Variants in CRPPA observed in about 807,000 individuals in gnomAD.
CRPPA encodes the protein D-ribitol-5-phosphate cytidylyltransferase.
CRPPA carries 43 observed loss-of-function variants against 52.0 expected under a neutral mutation model. The observed-to-expected ratio is 0.83, with a 90% CI of 0.65 to 1.07. CRPPA has a LOEUF of 1.07. Among genes scored for constraint, CRPPA ranks in the 50% least tolerant of loss-of-function variants. CRPPA has a pLI of 0.00. For missense variants in CRPPA, 629 were observed against 551.7 expected (o/e 1.14, Z -1.40); for synonymous variants, 250 against 203.5 (o/e 1.23, Z -1.94).
rs144357355 is a variant in CRPPA at position 16,401,261 on chromosome 7, T to TAG, written c.534+4798_534+4799dup. The stretch of plus-strand genomic sequence containing the variant: ...TGTTACTTCAGCAATCCCAAAGATT[T>TAG]AGAGTCTTCCTCCCAGGAACCTGGA... On this transcript the variant is annotated intron_variant, in intron 2 of 9. Transcript: ENST00000407010. Among the ~76,000 whole-genome samples, 571 of 152,320 alleles carry TAG rather than the reference T, an allele frequency of 3.7e-3. 3 individuals carry two copies. Among genetic ancestry groups the TAG allele is most frequent in the African/African-American group, 0.013 (559 of 41,578 alleles).
At chr7:16,405,068 G>C (rs1001992902) in intron 2 of CRPPA, among the ~76,000 whole-genome samples, 2 of 151,330 alleles carry the variant, frequency 1.3e-5, no homozygotes, top group African/African-American at 2.4e-5. Flanking sequence ...GGTTATTGAA[G>C]TTATAGACTG....
intron 5 of CRPPA, among the ~76,000 whole-genome samples, chr7:16,294,984 G>A (rs566272073): frequency 6.6e-6 from 1 of 152,024 alleles, no homozygotes. Flanking sequence ...GAAATCAAGG[G>A]ACTAGTTTCT....
chr7:16,247,190 C>T (rs905467966), intron 8 of CRPPA, among the ~76,000 whole-genome samples: 1 of 152,230 alleles, frequency 6.6e-6, no homozygotes, highest in African/African-American at 2.4e-5. Context: ...GAATAAACTG[C>T]TAGCTTCAAA....
intron 9 of CRPPA, among the ~76,000 whole-genome samples, chr7:16,164,561 T>C (rs918281711): frequency 6.6e-6 from 1 of 152,186 alleles, no homozygotes. Flanking sequence ...TGGCGAGGAA[T>C]TGTGATCCTT....
chr7:16,403,606 A>G (rs1787883375), intron 2 of CRPPA, among the ~76,000 whole-genome samples: 2 of 152,170 alleles, frequency 1.3e-5, no homozygotes, highest in African/African-American at 4.8e-5. Flanking sequence ...ACAAAAGGCA[A>G]TGAGTTAAAA....
At chr7:16,191,853 T>A (rs1312196223) in intron 9 of CRPPA, among the ~76,000 whole-genome samples, 1 of 152,122 alleles carries the variant, frequency 6.6e-6, no homozygotes, top group Admixed American at 6.6e-5. Flanking sequence ...TCACAGTAAT[T>A]CTCTTACCAT....
chr7:16,310,781 A>G (rs774472595), intron 3 of CRPPA, among the ~76,000 whole-genome samples: 3 of 152,194 alleles, frequency 2.0e-5, no homozygotes, highest in South Asian at 4.1e-4. Context: ...AAAGTATGCC[A>G]AGCCCACTTA....
At chr7:16,376,014 C>T in intron 3 of CRPPA, 78 bp downstream of exon 3, 1 of 1,399,088 alleles carries the variant, frequency 7.1e-7, no homozygotes, top group Non-Finnish European at 9.7e-7. Flanking sequence ...CCCATCAGTT[C>T]TGGAAATTCT....
intron 2 of CRPPA, among the ~76,000 whole-genome samples, chr7:16,399,969 GAC>G (rs1178247825): frequency 6.6e-6 from 1 of 151,966 alleles, no homozygotes; most frequent in Non-Finnish European, 1.5e-5. Flanking sequence ...GCTTACATGT[GAC>G]ACGATTGACA....
intron 2 of CRPPA, among the ~76,000 whole-genome samples, chr7:16,389,712 T>G (rs1036076632): frequency 1.3e-5 from 2 of 151,596 alleles, no homozygotes; most frequent in Non-Finnish European, 2.9e-5. Flanking sequence ...AATCCACTGT[T>G]GGCCATTTCC....
At chr7:16,398,439 G>T (rs953498418) in intron 2 of CRPPA, among the ~76,000 whole-genome samples, 2 of 152,010 alleles carry the variant, frequency 1.3e-5, no homozygotes, top group Non-Finnish European at 2.9e-5. Flanking sequence ...ACGTGACCGA[G>T]GTTTGTGACA....
chr7:16,259,095 T>C, intron 6 of CRPPA, 83 bp from the exon 7 acceptor site: 1 of 905,690 alleles, frequency 1.1e-6, no homozygotes, highest in Non-Finnish European at 1.7e-6. Flanking sequence ...ACATAATTGC[T>C]AGAAGGCCCA....
intron 9 of CRPPA, among the ~76,000 whole-genome samples, chr7:16,202,751 A>G (rs1781887730): frequency 6.6e-6 from 1 of 152,246 alleles, no homozygotes; most frequent in Non-Finnish European, 1.5e-5. Context: ...GCCAAAGCTA[A>G]GCATTATGAT....
chr7:16,134,922 T>C (rs541532319), intron 9 of CRPPA, among the ~76,000 whole-genome samples: 1 of 152,274 alleles, frequency 6.6e-6, no homozygotes, highest in African/African-American at 2.4e-5. Flanking sequence ...TTCTGAAAAA[T>C]ACAGAAACAT....
Position 16,338,812 on chromosome 7 carries a change from ACT to A in CRPPA, c.685-30187_685-30186del, listed in dbSNP as rs1491160192. ...ATGGGTTCATCGTGAATTCTAGCAA[ACT>A]TTTTTTTTTTTTTTTTTTTGAGACA... On this transcript the variant is annotated intron_variant, in intron 3 of 9. Coordinates refer to ENST00000407010, the MANE Select transcript of CRPPA (RefSeq NM_001101426.4). Among the ~76,000 whole-genome samples, 63 of 125,776 alleles carry A rather than the reference ACT, an allele frequency of 5.0e-4. No homozygotes were observed. In the Middle Eastern group the frequency reaches 0.014, roughly 27 times the overall value. The allele number at this position is 125,776 out of a possible 152,430, so 82.5% of individuals were successfully genotyped here.
intron 9 of CRPPA, among the ~76,000 whole-genome samples, chr7:16,206,037 C>G (rs974294863): frequency 6.6e-6 from 1 of 152,198 alleles, no homozygotes; most frequent in East Asian, 1.9e-4. Flanking sequence ...AATGACCTGA[C>G]TCTTCACTGA....
chr7:16,342,790 T>G (rs369750965), intron 3 of CRPPA, among the ~76,000 whole-genome samples: 497 of 33,434 alleles, frequency 0.015, 74 homozygotes, highest in African/African-American at 0.042. Context: ...AAAATATATA[T>G]ATATATATCT....
chr7:16,319,667 A>C (rs1366817482), intron 3 of CRPPA, among the ~76,000 whole-genome samples: 1 of 152,160 alleles, frequency 6.6e-6, no homozygotes, highest in African/African-American at 2.4e-5. Context: ...AAGCCAAGCC[A>C]CGAAGATAGC....
intron 2 of CRPPA, among the ~76,000 whole-genome samples, chr7:16,397,893 C>A (rs530071625): frequency 1.2e-4 from 18 of 152,128 alleles, no homozygotes; most frequent in Non-Finnish European, 2.2e-4. Context: ...CAACGTGTGA[C>A]CAAAGCATGT....
Sources: gnomAD v4.1 joint callset for allele counts (sites outside exome capture counted in the v4.1 genomes callset) on GRCh38, gnomAD v4.1.1 for gene constraint, MANE v1.5 for transcripts, NCBI Gene and HGNC (gene_info 2026-07-23, HGNC 2026-07-21) for gene names.